RSPRY1: variants seen among roughly 807,000 people sequenced by gnomAD.
RSPRY1 encodes the protein RING finger and SPRY domain-containing protein 1.
RSPRY1 carries 23 observed loss-of-function variants against 73.1 expected under a neutral mutation model. That is an observed-to-expected ratio of 0.31 (90% CI 0.23 to 0.45). RSPRY1 has a LOEUF of 0.45. Among genes scored for constraint, RSPRY1 ranks in the 20% least tolerant of loss-of-function variants. The pLI is 1.00. For missense variants in RSPRY1, 448 were observed against 698.7 expected, an observed-to-expected ratio of 0.64 and a Z score of 4.05; for synonymous variants, 226 against 251.4, an observed-to-expected ratio of 0.90 and a Z score of 0.95.
intron 1 of RSPRY1, among the ~76,000 whole-genome samples, chr16:57,203,496 T>TTTTG (rs548754380): frequency 1.3e-5 from 2 of 152,140 alleles, no homozygotes; most frequent in African/African-American, 4.8e-5. Flanking sequence ...TGTCAGCCTG[T>TTTTG]TTTGTTTGTT....
chr16:57,230,225 G>A (rs1430152283), intron 11 of RSPRY1, among the ~76,000 whole-genome samples: 1 of 151,920 alleles, frequency 6.6e-6, no homozygotes, highest in East Asian at 1.9e-4. Context: ...TGGCCAGGCT[G>A]GTCTTCAAAC....
Position 57,238,870 on chromosome 16 carries a change from T to C in RSPRY1, c.1635-9T>C. On this transcript the variant is annotated splice_polypyrimidine_tract_variant and intron_variant, in intron 14 of 14. Coordinates refer to ENST00000394420, the MANE Select transcript of RSPRY1 (RefSeq NM_133368.3). ...TTAACTTGACTGACTTTTCTGTGTTTCTCCCCAGTGACCTGTGCATGGATT... is the reference window on the plus strand; with the variant it reads ...TTAACTTGACTGACTTTTCTGTGTTCCTCCCCAGTGACCTGTGCATGGATT... 1 of 1,538,650 alleles carries C rather than the reference T, an allele frequency of 6.5e-7. No homozygotes were observed. Among genetic ancestry groups the C allele is most frequent in the Non-Finnish European group, 8.8e-7 (1 of 1,140,178 alleles).
intron 11 of RSPRY1, among the ~76,000 whole-genome samples, chr16:57,228,177 G>A (rs2075148158): frequency 6.6e-6 from 1 of 151,504 alleles, no homozygotes; most frequent in South Asian, 2.1e-4. Context: ...GGAGGCTGAG[G>A]CAGGAGAATC....
chr16:57,204,633 T>G lies in RSPRY1; in HGVS notation c.-26T>G. On this transcript the variant is annotated 5_prime_UTR_variant, in exon 2 of 15. Transcript: ENST00000394420. ...CCTCAACTCCAGGTTATGAAAACAG[T>G]ACTTGGAAAACTGAAAACTACCTAA... 1 of 1,602,516 alleles carries G rather than the reference T, an allele frequency of 6.2e-7. No homozygotes were observed. The highest frequency in any genetic ancestry group is 8.5e-7 in the Non-Finnish European group (1 of 1,171,722).
chr16:57,220,594 A>C, intron 8 of RSPRY1, 138 bp from the exon 9 acceptor site: 1 of 515,848 alleles, frequency 1.9e-6, no homozygotes, highest in Non-Finnish European at 3.5e-6. Flanking sequence ...ATCCACAAAC[A>C]TGGATAATTT....
At chr16:57,187,253 C>A (rs1378359937) in intron 1 of RSPRY1, among the ~76,000 whole-genome samples, 2 of 152,192 alleles carry the variant, frequency 1.3e-5, no homozygotes, top group Non-Finnish European at 2.9e-5. Flanking sequence ...ATCCCACCAA[C>A]ACCCCTTGCG....
chr16:57,194,835 G>A (rs1168101595), intron 1 of RSPRY1, among the ~76,000 whole-genome samples: 1 of 152,198 alleles, frequency 6.6e-6, no homozygotes, highest in Non-Finnish European at 1.5e-5. Context: ...ATTTGTCAGA[G>A]AGGGTTAGAC....
At position 57,193,928 on chromosome 16, in the gene RSPRY1, T is replaced by C. The variant is rs140694492; in HGVS notation, c.-156+7477T>C. Among the ~76,000 whole-genome samples the C allele has an allele frequency of 2.6e-3, 398 of 152,246 alleles. 2 individuals carry two copies. Among genetic ancestry groups the C allele is most frequent in the African/African-American group, 8.9e-3 (369 of 41,548 alleles). On this transcript the variant is annotated intron_variant, in intron 1 of 14. Coordinates refer to ENST00000394420, the MANE Select transcript of RSPRY1 (RefSeq NM_133368.3). ...TGAAAACACAAACATTAGCTGGGTG[T>C]GGTGGCATGTGCCAATAATCCCAGC...
In RSPRY1 at chr16:57,204,889, A is replaced by G. The variant is rs749389994; in HGVS notation, c.231A>G (p.Pro77=). 3.1e-6 allele frequency: 5 copies of G among 1,614,104 alleles called. No individual in the cohort carries two copies. The highest frequency in any genetic ancestry group is 4.2e-6 in the Non-Finnish European group (5 of 1,180,050). ...CCACTGCTGACACAAGGAGCCAACC[A>G]CGGGACCCTGTTCGGCCACCAAGGA... is the stretch of plus-strand genomic sequence containing the variant. The part of the protein sequence containing the change: ...AVPTADTRSQ[P]RDPVRPPRRG... Residue 77 remains proline, a synonymous_variant, in exon 2 of 15, where the codon CCA becomes CCG. Transcript: ENST00000394420.
Position 57,216,928 on chromosome 16 carries a change from A to C in RSPRY1, c.794A>C (p.Glu265Ala). Residue 265 changes from glutamate (E) to alanine (A), a missense_variant, in exon 8 of 15, where the codon GAA becomes GCA. By Grantham distance (107) the Glu-to-Ala change is moderately radical. Transcript: ENST00000394420. Reference sequence around the variant, plus strand: ...GGTGAAAATAAATTGACTATTTCTGAATCCAGTATTAGTGACCGGCTTGTC... The same window carrying C: ...GGTGAAAATAAATTGACTATTTCTGCATCCAGTATTAGTGACCGGCTTGTC... ...QTSENKLTIS[E>A]SSISDRLVTL... 1 of 1,613,066 alleles carries C rather than the reference A, an allele frequency of 6.2e-7. No individual in the cohort carries two copies.
At chr16:57,205,906 T>C (rs534419745) in intron 2 of RSPRY1, among the ~76,000 whole-genome samples, 1 of 152,366 alleles carries the variant, frequency 6.6e-6, no homozygotes, top group East Asian at 1.9e-4. Context: ...TTTAAAAAGT[T>C]ACTTATGTGT....
At chr16:57,218,998 A>G (rs1233478052) in intron 8 of RSPRY1, among the ~76,000 whole-genome samples, 2 of 121,950 alleles carry the variant, frequency 1.6e-5, no homozygotes, top group Non-Finnish European at 3.4e-5. Flanking sequence ...GGCCTCCCAA[A>G]GTGCTGGGAT....
chr16:57,201,344 C>T (rs535832405), intron 1 of RSPRY1, among the ~76,000 whole-genome samples: 13 of 151,630 alleles, frequency 8.6e-5, no homozygotes, highest in Non-Finnish European at 1.6e-4. Flanking sequence ...CAGAGACGCT[C>T]CTCACATCCC....
rs545790962 is a variant in RSPRY1 at position 57,236,025 on chromosome 16, A to G, written c.1634+797A>G. On this transcript the variant is annotated intron_variant, in intron 14 of 14. Transcript: ENST00000394420. ...AGTGTGTCTCATTTCACCCTTAGCT[A>G]TACCAGCCTCTCTTCTGAAAGAAAG... Among the ~76,000 whole-genome samples, 76 of 152,272 alleles carry G rather than the reference A, an allele frequency of 5.0e-4. 1 individual carries two copies. The Middle Eastern group carries it at 0.01, about 20-fold the overall frequency.
rs556054590 is a variant in RSPRY1, at chr16:57,205,244, C to T, written c.350+236C>T. On this transcript the variant is annotated intron_variant, in intron 2 of 14. Coordinates refer to ENST00000394420, the MANE Select transcript of RSPRY1 (RefSeq NM_133368.3). The stretch of plus-strand genomic sequence containing the variant: ...CTAAATGTTTCTGTAGCAGAAAACA[C>T]GATAAAGCTATGATCTTTATTAGAG... The T allele has an allele frequency of 3.0e-5, 15 of 500,096 alleles. No individual in the cohort carries two copies. In the South Asian group the frequency reaches 3.7e-4, roughly 12 times the overall value. The allele number at this position is 500,096 out of a possible 1,614,324, so 31.0% of individuals were successfully genotyped here.
chr16:57,236,725 A>G (rs1371135540), intron 14 of RSPRY1, among the ~76,000 whole-genome samples: 5 of 152,264 alleles, frequency 3.3e-5, no homozygotes, highest in Non-Finnish European at 7.3e-5. Context: ...TTTAGTAATC[A>G]TACCAAAAGC....
At chr16:57,209,398 CTG>C (rs1469862202) in intron 4 of RSPRY1, among the ~76,000 whole-genome samples, 5 of 152,190 alleles carry the variant, frequency 3.3e-5, no homozygotes, top group Admixed American at 3.3e-4. Context: ...GAGTCTCACT[CTG>C]TTGCCCAGGC....
chr16:57,210,120 C>T lies in RSPRY1; in HGVS notation c.516+933C>T, dbSNP rs534766086. Among the ~76,000 whole-genome samples the T allele has an allele frequency of 5.9e-5, 9 of 151,518 alleles. No individual in the cohort carries two copies. The South Asian group carries it at 1.9e-3, about 32-fold the overall frequency. On this transcript the variant is annotated intron_variant, in intron 4 of 14. Coordinates refer to ENST00000394420, the MANE Select transcript of RSPRY1 (RefSeq NM_133368.3). ...GCCTCCCTTCCTTCCCCGGCCCCGC[C>T]TAGGCTAGAGTGCAGTGGCACAGTC...
Position 57,225,942 on chromosome 16 carries a change from G to T in RSPRY1, c.1162-1400G>T, listed in dbSNP as rs559094022. ...AAAAATACAAAATTAGCTGGGCCTG[G>T]TGGCGCATGCCTATAATCCCAGCTA... On this transcript the variant is annotated intron_variant, in intron 10 of 14. Transcript: ENST00000394420. Among the ~76,000 whole-genome samples, 5 of 152,298 alleles carry T rather than the reference G, an allele frequency of 3.3e-5. No individual in the cohort carries two copies. The East Asian group carries it at 9.6e-4, about 29-fold the overall frequency.
Sources: gnomAD v4.1 joint callset for allele counts (sites outside exome capture counted in the v4.1 genomes callset) on GRCh38, gnomAD v4.1.1 for gene constraint, MANE v1.5 for transcripts, NCBI Gene and HGNC (gene_info 2026-07-23, HGNC 2026-07-21) for gene names.